The following NHSL1 variants were observed in gnomAD, a reference collection of about 807,000 sequenced individuals.
The protein encoded by NHSL1 is NHS-like protein 1.
A neutral mutation model predicts 95.0 loss-of-function variants in NHSL1; 48 were observed. The observed-to-expected ratio is 0.51, with a 90% CI of 0.40 to 0.64. The LOEUF is 0.64. Among genes scored for constraint, NHSL1 ranks in the 30% least tolerant of loss-of-function variants. The pLI is 0.00. For missense variants in NHSL1, 1,971 were observed against 2,077.7 expected, an observed-to-expected ratio of 0.95 and a Z score of 1.00; for synonymous variants, 783 against 833.9, an observed-to-expected ratio of 0.94 and a Z score of 1.05.
intron 3 of NHSL1, among the ~76,000 whole-genome samples, chr6:138,460,228 TTC>T (rs1281594159): frequency 6.6e-6 from 1 of 152,206 alleles, no homozygotes; most frequent in East Asian, 1.9e-4. Context: ...TTGATAAGAT[TTC>T]TTTTTTTTTA....
upstream of NHSL1, among the ~76,000 whole-genome samples, chr6:138,502,475 G>A (rs1218909064): frequency 6.6e-6 from 1 of 151,128 alleles, no homozygotes; most frequent in Non-Finnish European, 1.5e-5. Context: ...TATGACAGTG[G>A]CGGAAAAAAA....
At chr6:138,538,065 C>T (rs956961096) in intron 1 of NHSL1, among the ~76,000 whole-genome samples, 18 of 152,164 alleles carry the variant, frequency 1.2e-4, no homozygotes, top group African/African-American at 4.3e-4. Context: ...AAAATGTCGA[C>T]AAATCTTGGA....
chr6:138,664,884 A>G (rs1008420995), intron 1 of NHSL1, among the ~76,000 whole-genome samples: 19 of 152,246 alleles, frequency 1.2e-4, no homozygotes, highest in African/African-American at 4.3e-4. Context: ...CCCTGGGGTC[A>G]GGGTGTGGGG....
At chr6:138,524,091 G>T (rs1232714424) in intron 1 of NHSL1, among the ~76,000 whole-genome samples, 1 of 152,156 alleles carries the variant, frequency 6.6e-6, no homozygotes, top group African/African-American at 2.4e-5. Flanking sequence ...AAGTGGTGGG[G>T]TGGGAATTCA....
intron 1 of NHSL1, among the ~76,000 whole-genome samples, chr6:138,551,615 G>T (rs1171101585): frequency 2.0e-5 from 3 of 152,110 alleles, no homozygotes; most frequent in Non-Finnish European, 4.4e-5. Context: ...TCAGACAAGA[G>T]ATTTAATCTG....
rs559913296 is a variant in NHSL1 at position 138,524,133 on chromosome 6, T to G, written c.16+21490A>C. ...GTCTGGGACCCTGAAGGTTCCCTCC[T>G]ATTTACCTCTGAAGAATGAGCACTT... On this transcript the variant is annotated intron_variant, in intron 1 of 4. Transcript: ENST00000342260. Among the ~76,000 whole-genome samples, 3 of 152,326 alleles carry G rather than the reference T, an allele frequency of 2.0e-5. No individual in the cohort carries two copies. In the South Asian group the frequency reaches 6.2e-4, roughly 32 times the overall value.
intron 1 of NHSL1, among the ~76,000 whole-genome samples, chr6:138,592,371 G>A (rs1309079151): frequency 1.3e-5 from 2 of 152,202 alleles, no homozygotes; most frequent in African/African-American, 4.8e-5. Context: ...GGCTGAGGCG[G>A]GTGGATCACT....
intron 1 of NHSL1, among the ~76,000 whole-genome samples, chr6:138,675,220 A>G (rs935462774): frequency 6.6e-6 from 1 of 152,050 alleles, no homozygotes; most frequent in African/African-American, 2.4e-5. Flanking sequence ...CTCATCTACA[A>G]TGAATCCCCA....
At chr6:138,595,549 C>T (rs376454116) in intron 1 of NHSL1, among the ~76,000 whole-genome samples, 9 of 152,284 alleles carry the variant, frequency 5.9e-5, no homozygotes, top group Middle Eastern at 3.4e-3. Flanking sequence ...TGTGCTCTAG[C>T]CTAGGCAACA....
intron 1 of NHSL1, among the ~76,000 whole-genome samples, chr6:138,553,920 T>C (rs1783100791): frequency 6.6e-6 from 1 of 152,212 alleles, no homozygotes; most frequent in African/African-American, 2.4e-5. Flanking sequence ...TCATTCTGCC[T>C]GAATTAAATA....
chr6:138,638,039 T>C (rs1159347172), intron 1 of NHSL1, among the ~76,000 whole-genome samples: 1 of 152,216 alleles, frequency 6.6e-6, no homozygotes, highest in African/African-American at 2.4e-5. Context: ...TTAAAAAGAA[T>C]TAGATCCTGT....
intron 1 of NHSL1, among the ~76,000 whole-genome samples, chr6:138,657,074 T>C (rs546257664): frequency 1.3e-5 from 2 of 152,198 alleles, no homozygotes; most frequent in African/African-American, 4.8e-5. Flanking sequence ...TTTTTCCCCA[T>C]AGATAACGTA....
intron 1 of NHSL1, among the ~76,000 whole-genome samples, chr6:138,554,840 T>C (rs1313876910): frequency 6.6e-6 from 1 of 152,216 alleles, no homozygotes; most frequent in East Asian, 1.9e-4. Flanking sequence ...GTGACAACGT[T>C]TCAAGGAAGA....
upstream of NHSL1, among the ~76,000 whole-genome samples, chr6:138,576,466 G>A (rs1458748977): frequency 6.6e-6 from 1 of 152,102 alleles, no homozygotes; most frequent in Non-Finnish European, 1.5e-5. Context: ...CTTCCTTACC[G>A]TGCTGGGCTG....
intron 1 of NHSL1, among the ~76,000 whole-genome samples, chr6:138,663,334 G>A (rs955258927): frequency 6.6e-6 from 1 of 152,098 alleles, no homozygotes; most frequent in Non-Finnish European, 1.5e-5. Flanking sequence ...GCCGAGGCAG[G>A]CAGATCACCT....
At chr6:138,562,277 T>C (rs1248450962) in intron 1 of NHSL1, among the ~76,000 whole-genome samples, 1 of 152,180 alleles carries the variant, frequency 6.6e-6, no homozygotes, top group African/African-American at 2.4e-5. Context: ...AGTATAACTA[T>C]ACATTGGAAA....
upstream of NHSL1, among the ~76,000 whole-genome samples, chr6:138,575,535 C>T (rs1007120804): frequency 6.6e-6 from 1 of 152,204 alleles, no homozygotes; most frequent in African/African-American, 2.4e-5. Flanking sequence ...ATAACCAATT[C>T]TCTGTCTACT....
At chr6:138,449,852 G>C (rs1057455655) in intron 3 of NHSL1, among the ~76,000 whole-genome samples, 3 of 152,092 alleles carry the variant, frequency 2.0e-5, no homozygotes, top group African/African-American at 7.2e-5. Context: ...ACATTTACTT[G>C]ATGTTCTTAA....
intron 2 of NHSL1, among the ~76,000 whole-genome samples, chr6:138,488,654 T>G (rs1384756228): frequency 6.6e-6 from 1 of 152,204 alleles, no homozygotes; most frequent in Non-Finnish European, 1.5e-5. Flanking sequence ...GGAGTAACCA[T>G]GAAGTCACCA....
Sources: gnomAD v4.1 joint callset for allele counts (sites outside exome capture counted in the v4.1 genomes callset) on GRCh38, gnomAD v4.1.1 for gene constraint, MANE v1.5 for transcripts, NCBI Gene and HGNC (gene_info 2026-07-23, HGNC 2026-07-21) for gene names.